The following LINGO1 variants were observed in gnomAD, a reference collection of about 807,000 sequenced individuals.
LINGO1 encodes the protein leucine rich repeat and Ig domain containing 1.
LINGO1 carries 11 observed loss-of-function variants against 37.3 expected under a neutral mutation model. The ratio of observed to expected loss-of-function variants is 0.29; its 90% CI spans 0.19 to 0.49. LINGO1 has a LOEUF of 0.49. LINGO1 is among the 20% of genes least tolerant of loss of function. The pLI, the probability that LINGO1 is intolerant of heterozygous loss-of-function variation, is 0.99. For synonymous variants in LINGO1, 387 were observed against 403.0 expected (o/e 0.96, Z 0.48); for missense variants, 585 against 878.2 (o/e 0.67, Z 4.22).
chr15:77,746,450 G>A (rs145184041), intron 1 of LINGO1, among the ~76,000 whole-genome samples: 1 of 152,214 alleles, frequency 6.6e-6, no homozygotes, highest in Non-Finnish European at 1.5e-5. Flanking sequence ...AGCCAGTACT[G>A]CCACCTCCTT....
In LINGO1 at chr15:77,750,047, G is replaced by T. The variant is rs2076355350; in HGVS notation, c.-256-14994C>A. ...TTGAACCTGGGTCTGCCTGACTCAG[G>T]CTGGGCTCTCTCCATGACTCCCCCT... is the stretch of plus-strand genomic sequence containing the variant. On this transcript the variant is annotated intron_variant, in intron 1 of 3. Coordinates refer to the LINGO1 transcript ENST00000561686. 4.6e-5 allele frequency among the ~76,000 whole-genome samples: 7 copies of T among 152,072 alleles called. No individual in the cohort carries two copies. The South Asian group carries it at 1.5e-3, about 32-fold the overall frequency.
chr15:77,631,814 C>T (rs2074262761), intron 1 of LINGO1, among the ~76,000 whole-genome samples: 1 of 152,208 alleles, frequency 6.6e-6, no homozygotes, highest in African/African-American at 2.4e-5. Context: ...AGGGGCGATG[C>T]TTGTGTGTGG....
intron 1 of LINGO1, among the ~76,000 whole-genome samples, chr15:77,746,769 G>A (rs2076318612): frequency 6.6e-6 from 1 of 152,158 alleles, no homozygotes; most frequent in Non-Finnish European, 1.5e-5. Context: ...CAGGTGAACT[G>A]GGGGGTGTAT....
chr15:77,683,236 A>G (rs1381947670), intron 2 of LINGO1, among the ~76,000 whole-genome samples: 1 of 152,132 alleles, frequency 6.6e-6, no homozygotes, highest in Non-Finnish European at 1.5e-5. Context: ...AATGTGGAGG[A>G]TGGTATGGGG....
chr15:77,810,713 G>A (rs2076998842), intron 1 of LINGO1, among the ~76,000 whole-genome samples: 1 of 152,188 alleles, frequency 6.6e-6, no homozygotes, highest in South Asian at 2.1e-4. Flanking sequence ...AGCATTCTGT[G>A]ACTCCATACC....
chr15:77,663,188 T>C (rs2075036584), intron 3 of LINGO1, among the ~76,000 whole-genome samples: 1 of 152,140 alleles, frequency 6.6e-6, no homozygotes, highest in Non-Finnish European at 1.5e-5. Flanking sequence ...CGCATGGCCA[T>C]GCCCTGGTAG....
At position 77,614,009 on chromosome 15, in the gene LINGO1, C is replaced by T. The variant is rs535804269; in HGVS notation, c.*35G>A. 29 of 1,525,038 alleles carry T rather than the reference C, an allele frequency of 1.9e-5. No individual in the cohort carries two copies. Among genetic ancestry groups the T allele is most frequent in the Middle Eastern group, 4.0e-4 (2 of 5,036 alleles). The allele number at this position is 1,525,038 out of a possible 1,614,324, so 94.5% of individuals were successfully genotyped here. A position where few individuals can be genotyped will look rare whatever the true frequency, so the allele number is the denominator to read the frequency against. On this transcript the variant is annotated 3_prime_UTR_variant, in exon 2 of 2. Transcript: ENST00000355300. Reference sequence around the variant, plus strand: ...TGGCGGCCAGGCCCCTTCCCCTGCCCGGCCGCCCGGGGGTCCCTGCCCCCC... The same window carrying T: ...TGGCGGCCAGGCCCCTTCCCCTGCCTGGCCGCCCGGGGGTCCCTGCCCCCC...
intron 3 of LINGO1, among the ~76,000 whole-genome samples, chr15:77,664,054 G>A (rs2075058735): frequency 6.6e-6 from 1 of 152,104 alleles, no homozygotes; most frequent in Non-Finnish European, 1.5e-5. Flanking sequence ...GGGAAGGTGG[G>A]GAGCTGCCAC....
chr15:77,772,462 C>T (rs569845809), intron 1 of LINGO1, among the ~76,000 whole-genome samples: 3 of 152,264 alleles, frequency 2.0e-5, no homozygotes, highest in South Asian at 2.1e-4. Context: ...GCAGACGCTG[C>T]GGCTCAGAAG....
intron 1 of LINGO1, among the ~76,000 whole-genome samples, chr15:77,756,565 A>G (rs56403222): frequency 0.17 from 26,316 of 152,068 alleles, 2,701 homozygotes; most frequent in Non-Finnish European, 0.24. Context: ...CATACCATCA[A>G]GGGAGGGCCA....
At chr15:77,690,473 C>T (rs1272473499) in intron 2 of LINGO1, among the ~76,000 whole-genome samples, 1 of 152,198 alleles carries the variant, frequency 6.6e-6, no homozygotes, top group African/African-American at 2.4e-5. Context: ...GTTCTGGTTG[C>T]ACCGTTTGAC....
intron 2 of LINGO1, among the ~76,000 whole-genome samples, chr15:77,681,529 A>T (rs1258233079): frequency 6.6e-6 from 1 of 152,208 alleles, no homozygotes; most frequent in Non-Finnish European, 1.5e-5. Context: ...TGATGAATGC[A>T]CAGGCTCTTG....
At chr15:77,773,563 A>G (rs2076606814) in intron 1 of LINGO1, among the ~76,000 whole-genome samples, 1 of 151,918 alleles carries the variant, frequency 6.6e-6, no homozygotes, top group South Asian at 2.1e-4. Flanking sequence ...CCCGGAGTCC[A>G]GCCCCAGCTC....
intron 3 of LINGO1, among the ~76,000 whole-genome samples, chr15:77,652,844 G>A (rs771943954): frequency 5.3e-5 from 8 of 152,328 alleles, no homozygotes; most frequent in Middle Eastern, 3.4e-3. Flanking sequence ...GACCCTTCCT[G>A]GAGGGAGTGT....
rs2074283097 is a variant in LINGO1 at position 77,632,377 on chromosome 15, G to C, written c.-62C>G. ...AATCGCATGTCTCTCCAGCCGGCCC[G>C]ACCAGGCCCCAGCCCCTGCCCAGCC... On this transcript the variant is annotated 5_prime_UTR_variant, in exon 1 of 2. Transcript: ENST00000355300. This position sits in a 1 kb window ranked among gnomAD's most constrained non-coding sequence, Gnocchi z 6.0. 5.2e-6 allele frequency: 7 copies of C among 1,357,104 alleles called. No individual in the cohort carries two copies. Among genetic ancestry groups the C allele is most frequent in the Non-Finnish European group, 5.7e-6 (6 of 1,050,152 alleles). 84.1% of individuals were successfully genotyped at this position (1,357,104 alleles called of 1,614,324 possible). A position where few individuals can be genotyped will look rare whatever the true frequency, so the allele number is the denominator to read the frequency against.
intron 3 of LINGO1, among the ~76,000 whole-genome samples, chr15:77,660,822 C>G (rs1596065099): frequency 6.6e-6 from 1 of 152,042 alleles, no homozygotes; most frequent in East Asian, 2.0e-4. Context: ...TGCACAGAGG[C>G]AGGGATGAGA....
intron 1 of LINGO1, among the ~76,000 whole-genome samples, chr15:77,738,534 C>T (rs1481038751): frequency 1.3e-5 from 2 of 152,182 alleles, no homozygotes. Flanking sequence ...AAAATGCCCA[C>T]CATGCACCCC....
upstream of LINGO1, among the ~76,000 whole-genome samples, chr15:77,635,166 C>G (rs1461844793): frequency 6.6e-6 from 1 of 152,214 alleles, no homozygotes; most frequent in African/African-American, 2.4e-5. Context: ...GGAGCTGTGT[C>G]TGGGAGGAAG....
At chr15:77,721,150 C>T (rs986235532) in intron 2 of LINGO1, among the ~76,000 whole-genome samples, 3 of 152,118 alleles carry the variant, frequency 2.0e-5, no homozygotes, top group Non-Finnish European at 4.4e-5. Flanking sequence ...TCTGTCCATA[C>T]CACAAATCCA....
Sources: gnomAD v4.1 joint callset for allele counts (sites outside exome capture counted in the v4.1 genomes callset) on GRCh38, gnomAD v4.1.1 for gene constraint, Gnocchi (gnomAD v3.1) non-coding constraint, MANE v1.5 for transcripts, NCBI Gene and HGNC (gene_info 2026-07-23, HGNC 2026-07-21) for gene names.